Variants in CRPPA observed in about 807,000 individuals in gnomAD.
CRPPA encodes the protein D-ribitol-5-phosphate cytidylyltransferase.
Under a neutral mutation model 52.0 loss-of-function variants are expected in CRPPA, and 43 were observed. The observed-to-expected ratio is 0.83, with a 90% CI of 0.65 to 1.07. CRPPA has a LOEUF of 1.07. Ranked by LOEUF, CRPPA falls within the 50% of genes least tolerant of loss-of-function variation. The pLI is 0.00. For synonymous variants in CRPPA, 250 were observed against 203.5 expected (o/e 1.23, Z -1.94); for missense variants, 629 against 551.7 (o/e 1.14, Z -1.40).
chr7:16,108,608 C>T (rs1172587232), intron 9 of CRPPA, among the ~76,000 whole-genome samples: 3 of 151,772 alleles, frequency 2.0e-5, no homozygotes, highest in Non-Finnish European at 4.4e-5. Flanking sequence ...ACCATATGGA[C>T]CTCACAGACT....
At chr7:16,213,275 T>A (rs1192415286) in intron 9 of CRPPA, among the ~76,000 whole-genome samples, 3 of 152,158 alleles carry the variant, frequency 2.0e-5, no homozygotes, top group Non-Finnish European at 2.9e-5. Context: ...CACAGCAAAG[T>A]TTGCTTAATA....
intron 2 of CRPPA, among the ~76,000 whole-genome samples, chr7:16,382,799 C>CAA (rs1787145992): frequency 6.6e-6 from 1 of 152,182 alleles, no homozygotes; most frequent in African/African-American, 2.4e-5. Context: ...CCTGAGGCTT[C>CAA]TGCATACTTC....
chr7:16,103,965 G>A (rs572384126), intron 9 of CRPPA, among the ~76,000 whole-genome samples: 2 of 152,164 alleles, frequency 1.3e-5, no homozygotes, highest in African/African-American at 2.4e-5. Flanking sequence ...AATAAAATGG[G>A]CCAATTCAAA....
At chr7:16,354,128 T>C (rs948194017) in intron 3 of CRPPA, among the ~76,000 whole-genome samples, 18 of 152,188 alleles carry the variant, frequency 1.2e-4, no homozygotes, top group Admixed American at 5.9e-4. Context: ...AAAATAACAC[T>C]GTCAGGTCAC....
chr7:16,114,944 A>G (rs1562510932), intron 9 of CRPPA, among the ~76,000 whole-genome samples: 1 of 151,614 alleles, frequency 6.6e-6, no homozygotes, highest in Non-Finnish European at 1.5e-5. Flanking sequence ...TCAGTTAATG[A>G]CTCCCCTGCT....
At chr7:16,182,577 G>A (rs1781432173) in intron 9 of CRPPA, among the ~76,000 whole-genome samples, 1 of 151,950 alleles carries the variant, frequency 6.6e-6, no homozygotes, top group South Asian at 2.1e-4. Flanking sequence ...AGTTAAGAAC[G>A]AGGAACCTAG....
At chr7:16,158,480 A>G (rs1164827537) in intron 9 of CRPPA, among the ~76,000 whole-genome samples, 1 of 152,188 alleles carries the variant, frequency 6.6e-6, no homozygotes, top group African/African-American at 2.4e-5. Flanking sequence ...GAAAATATTA[A>G]TAGAACAGGG....
intron 8 of CRPPA, among the ~76,000 whole-genome samples, chr7:16,254,597 G>A (rs1783563612): frequency 6.6e-6 from 1 of 151,882 alleles, no homozygotes; most frequent in Non-Finnish European, 1.5e-5. Flanking sequence ...GTGGGGTGAG[G>A]GGAGTGGGCA....
At chr7:16,156,902 T>C (rs1783192714) in intron 9 of CRPPA, among the ~76,000 whole-genome samples, 1 of 152,160 alleles carries the variant, frequency 6.6e-6, no homozygotes, top group Non-Finnish European at 1.5e-5. Context: ...CCCCAGGAAA[T>C]TTTTGATTCA....
At chr7:16,100,654 G>C (rs998362118) in intron 9 of CRPPA, among the ~76,000 whole-genome samples, 7 of 152,044 alleles carry the variant, frequency 4.6e-5, no homozygotes, top group Non-Finnish European at 7.4e-5. Context: ...TCCTTCCCTT[G>C]CCTGATTGCC....
At chr7:16,254,804 A>AGAAAGAAG (rs1783578855) in intron 8 of CRPPA, among the ~76,000 whole-genome samples, 2 of 134,708 alleles carry the variant, frequency 1.5e-5, no homozygotes, top group Admixed American at 7.4e-5. Flanking sequence ...AAAGAAAGAA[A>AGAAAGAAG]GAAAGAAAGA....
intron 9 of CRPPA, among the ~76,000 whole-genome samples, chr7:16,126,244 G>A (rs1424519084): frequency 1.3e-5 from 2 of 152,104 alleles, no homozygotes; most frequent in South Asian, 2.1e-4. Flanking sequence ...CTGGCAACAA[G>A]TATGTTTATC....
intron 3 of CRPPA, among the ~76,000 whole-genome samples, chr7:16,358,078 T>G (rs1022002090): frequency 3.3e-5 from 5 of 152,074 alleles, no homozygotes; most frequent in African/African-American, 1.2e-4. Context: ...AGGCCAGGAC[T>G]GGCATGCAGG....
chr7:16,416,279 T>C (rs1167656446), intron 1 of CRPPA, among the ~76,000 whole-genome samples: 1 of 152,136 alleles, frequency 6.6e-6, no homozygotes, highest in Non-Finnish European at 1.5e-5. Flanking sequence ...AAGGACTCCC[T>C]ATTCCATAAA....
intron 9 of CRPPA, among the ~76,000 whole-genome samples, chr7:16,096,088 C>T (rs1399784904): frequency 1.3e-5 from 2 of 152,136 alleles, no homozygotes; most frequent in East Asian, 1.9e-4. Context: ...AAACTGAATC[C>T]GACCAGCCCT....
rs1788326336 is a variant in CRPPA at position 16,421,149 on chromosome 7, C to T, written c.174G>A (p.Glu58=). The T allele has an allele frequency of 1.5e-6, 2 of 1,333,242 alleles. No homozygotes were observed. The highest frequency in any genetic ancestry group is 2.1e-5 in the South Asian group (1 of 47,076). The allele number at this position is 1,333,242 out of a possible 1,614,324, so 82.6% of individuals were successfully genotyped here. ...AAVLPAGGCG[E]RMGVPTPKQF... ...GCTTCGGGGTGGGGACCCCCATCCT[C>T]TCCCCGCACCCCCCGGCAGGCAACA... is the stretch of plus-strand genomic sequence containing the variant. The change falls in exon 1 of 10, where the codon GAG becomes GAA. Residue 58 remains glutamate, a synonymous_variant. Coordinates refer to ENST00000407010, the MANE Select transcript of CRPPA (RefSeq NM_001101426.4).
intron 3 of CRPPA, among the ~76,000 whole-genome samples, chr7:16,367,223 C>T (rs1247138863): frequency 6.6e-6 from 1 of 152,068 alleles, no homozygotes; most frequent in Non-Finnish European, 1.5e-5. Flanking sequence ...ACCCCTTGCT[C>T]CCTGTGCCCA....
chr7:16,303,493 A>AAAAAAAAAACAAAAAAAAAAAAC (rs1562619557), intron 4 of CRPPA, among the ~76,000 whole-genome samples: 39 of 147,270 alleles, frequency 2.6e-4, no homozygotes, highest in African/African-American at 1.0e-3. Flanking sequence ...AAAAAAAAAA[A>AAAAAAAAAACAAAAAAAAAAAAC]AAAAAAAAAA....
chr7:16,338,539 A>G (rs1309422565), intron 3 of CRPPA, among the ~76,000 whole-genome samples: 1 of 151,986 alleles, frequency 6.6e-6, no homozygotes, highest in Non-Finnish European at 1.5e-5. Flanking sequence ...GGCTAAGAAA[A>G]AAAGAGGGTA....
Sources: allele counts gnomAD v4.1 joint callset (sites outside exome capture counted in the v4.1 genomes callset), GRCh38; gene constraint gnomAD v4.1.1; transcripts MANE v1.5; gene names NCBI Gene and HGNC (gene_info 2026-07-23, HGNC 2026-07-21).